Variants in RAD52 observed in about 807,000 individuals in gnomAD.
RAD52 encodes DNA repair protein RAD52 homolog.
A neutral mutation model predicts 55.5 loss-of-function variants in RAD52; 47 were observed. The observed-to-expected ratio is 0.85, with a 90% confidence interval of 0.67 to 1.08. The LOEUF is 1.08. Among genes scored for constraint, RAD52 ranks in the 50% least tolerant of loss-of-function variants. The pLI is 0.00. For missense variants in RAD52, 468 were observed against 522.8 expected, an observed-to-expected ratio of 0.90 and a Z score of 1.02; for synonymous variants, 184 against 198.9, an observed-to-expected ratio of 0.92 and a Z score of 0.63.
Position 932,986 on chromosome 12 carries a change from A to C in RAD52, c.73T>G (p.Cys25Gly). Residue 25 changes from cysteine to glycine, a missense_variant, in exon 2 of 12, where the codon TGC (cysteine) becomes GGC (glycine). Coordinates refer to ENST00000358495, the MANE Select transcript of RAD52 (RefSeq NM_134424.4). Reference sequence around the variant, plus strand: ...GGAACCACAGTTACCTGTCCAAAGCATAACACTGAGCCGCCGCCAGCAGCA... The same window carrying C: ...GGAACCACAGTTACCTGTCCAAAGCCTAACACTGAGCCGCCGCCAGCAGCA... ...HPAAGGGSVL[C>G]FGQCQYTAEE... The C allele has an allele frequency of 1.2e-6, 2 of 1,614,076 alleles. No individual in the cohort carries two copies. Among genetic ancestry groups the C allele is most frequent in the Non-Finnish European group, 8.5e-7 (1 of 1,179,998 alleles).
intron 7 of RAD52, among the ~76,000 whole-genome samples, chr12:920,323 G>A (rs1487737119): frequency 8.5e-6 from 1 of 118,070 alleles, no homozygotes; most frequent in African/African-American, 3.5e-5. Flanking sequence ...TTGGGAGGCC[G>A]AGGTGGGCAG....
intron 1 of RAD52, among the ~76,000 whole-genome samples, chr12:973,252 G>A (rs1489356002): frequency 3.3e-5 from 5 of 151,458 alleles, no homozygotes. Context: ...TGTATTTTTA[G>A]TAGAGACGGG....
intron 1 of RAD52, among the ~76,000 whole-genome samples, chr12:948,213 A>C (rs7306276): frequency 0.72 from 109,792 of 152,012 alleles, 39,971 homozygotes; most frequent in South Asian, 0.85. Flanking sequence ...AAAAGAACAA[A>C]TATTGTATAA....
chr12:941,593 C>T (rs1565685139), intron 1 of RAD52, among the ~76,000 whole-genome samples: 1 of 151,570 alleles, frequency 6.6e-6, no homozygotes, highest in African/African-American at 2.4e-5. Context: ...GCTGGGATTA[C>T]AGGTGTGAGC....
At position 937,583 on chromosome 12, in the gene RAD52, G is replaced by A. The variant is rs541088384; in HGVS notation, c.-18-4507C>T. On this transcript the variant is annotated intron_variant, in intron 1 of 11. Transcript: ENST00000358495. ...TGGGATTACAGGCATCCACCACCAC[G>A]CCTGGCTAATTTTTGTATTTTTAGT... 1.1e-3 allele frequency among the ~76,000 whole-genome samples: 161 copies of A among 152,102 alleles called. 1 individual carries two copies. Among genetic ancestry groups the A allele is most frequent in the African/African-American group, 3.8e-3 (159 of 41,476 alleles).
chr12:933,632 G>A (rs11571394), intron 1 of RAD52, among the ~76,000 whole-genome samples: 4 of 151,854 alleles, frequency 2.6e-5, no homozygotes, highest in Non-Finnish European at 4.4e-5. Context: ...CTATTCTGGC[G>A]GTGCTATTAA....
At chr12:938,318 T>C (rs923055264) in intron 1 of RAD52, among the ~76,000 whole-genome samples, 2 of 152,206 alleles carry the variant, frequency 1.3e-5, no homozygotes, top group Admixed American at 1.3e-4. Context: ...GCAACTGGCC[T>C]GGACTCTCCA....
chr12:916,341 C>G lies in RAD52; in HGVS notation c.865+3G>C. The stretch of plus-strand genomic sequence containing the variant: ...CAGGGCCCTGCTCCCACCCCTCGCT[C>G]ACCCTCACTCTTCTCAGCTGACGGC... On this transcript the variant is annotated splice_donor_region_variant and intron_variant, in intron 9 of 11. Transcript: ENST00000358495. The G allele has an allele frequency of 6.2e-7, 1 of 1,604,914 alleles. No homozygotes were observed. The highest frequency in any genetic ancestry group is 8.5e-7 in the Non-Finnish European group (1 of 1,179,898).
intron 1 of RAD52, among the ~76,000 whole-genome samples, chr12:985,843 T>C (rs550028741): frequency 6.6e-6 from 1 of 151,972 alleles, no homozygotes; most frequent in South Asian, 2.1e-4. Context: ...TATTCCACCA[T>C]CTTGCGCAGG....
intron 1 of RAD52, among the ~76,000 whole-genome samples, chr12:965,295 C>T (rs1044191339): frequency 5.9e-5 from 9 of 151,900 alleles, no homozygotes; most frequent in African/African-American, 2.2e-4. Flanking sequence ...GCTTTCTTTA[C>T]AGAAGATTGG....
At chr12:926,687 C>T in intron 6 of RAD52, 1 of 1,217,688 alleles carries the variant, frequency 8.2e-7, no homozygotes, top group Non-Finnish European at 1.1e-6. Context: ...ATAAGCCAAT[C>T]AAACCTCCTT....
intron 1 of RAD52, among the ~76,000 whole-genome samples, chr12:940,083 AAAG>A (rs1328274543): frequency 6.6e-6 from 1 of 150,988 alleles, no homozygotes; most frequent in African/African-American, 2.4e-5. Context: ...TCAAAAAAAA[AAAG>A]AAGAGAGAAG....
At chr12:960,711 C>G (rs1466047302) in intron 1 of RAD52, among the ~76,000 whole-genome samples, 2 of 152,132 alleles carry the variant, frequency 1.3e-5, no homozygotes, top group Non-Finnish European at 1.5e-5. Flanking sequence ...AGCGATGCCC[C>G]CCTTCTTAGC....
chr12:969,503 T>C (rs1392162366), intron 1 of RAD52, among the ~76,000 whole-genome samples: 1 of 152,046 alleles, frequency 6.6e-6, no homozygotes, highest in Non-Finnish European at 1.5e-5. Context: ...ACAAGAATTT[T>C]AAGCTGGGCA....
intron 9 of RAD52, among the ~76,000 whole-genome samples, chr12:915,205 G>T (rs1017415638): frequency 1.1e-4 from 16 of 152,202 alleles, no homozygotes; most frequent in African/African-American, 3.9e-4. Flanking sequence ...CAATGGCTCG[G>T]GTTGTCTGCC....
chr12:983,311 A>G (rs1959043642), intron 1 of RAD52, among the ~76,000 whole-genome samples: 1 of 152,166 alleles, frequency 6.6e-6, no homozygotes, highest in African/African-American at 2.4e-5. Context: ...TAATAAAATA[A>G]TACAGTTTGG....
chr12:916,525 A>G, intron 8 of RAD52, 42 bp from the exon 9 acceptor site: 1 of 1,605,638 alleles, frequency 6.2e-7, no homozygotes, highest in Non-Finnish European at 8.5e-7. Context: ...CCTGAGCAAC[A>G]GCCGCGGCTG....
At chr12:982,129 T>C (rs1959025356) in intron 1 of RAD52, among the ~76,000 whole-genome samples, 3 of 152,194 alleles carry the variant, frequency 2.0e-5, no homozygotes, top group Non-Finnish European at 4.4e-5. Context: ...AAGGGTAACA[T>C]GTGTTCACAG....
At chr12:935,438 T>C (rs1957564841) in intron 1 of RAD52, among the ~76,000 whole-genome samples, 1 of 150,362 alleles carries the variant, frequency 6.7e-6, no homozygotes, top group Middle Eastern at 3.5e-3. Context: ...TGCCCTGCAG[T>C]GGTGTGGTCT....
Sources: allele counts gnomAD v4.1 joint callset (sites outside exome capture counted in the v4.1 genomes callset), GRCh38; gene constraint gnomAD v4.1.1; transcripts MANE v1.5; gene names NCBI Gene and HGNC (gene_info 2026-07-23, HGNC 2026-07-21).